The following TENM4 variants were observed in gnomAD, a reference collection of about 807,000 sequenced individuals.
The protein encoded by TENM4 is teneurin transmembrane protein 4.
In TENM4, 82 loss-of-function variants were observed where a neutral mutation model predicts 243.3. That is an observed-to-expected ratio of 0.34 (90% CI 0.28 to 0.40). TENM4 has a LOEUF of 0.40. TENM4 is among the 10% of genes least tolerant of loss of function. The probability of loss-of-function intolerance (pLI) is 1.00; values close to 1 mark genes in which losing one functional copy is unlikely to be tolerated. For synonymous variants in TENM4, 1,412 were observed against 1,456.3 expected, an observed-to-expected ratio of 0.97 and a Z score of 0.69; for missense variants, 3,138 against 3,673.3, an observed-to-expected ratio of 0.85 and a Z score of 3.77.
chr11:78,758,844 G>T (rs1448330294), intron 18 of TENM4, among the ~76,000 whole-genome samples: 3 of 152,158 alleles, frequency 2.0e-5, no homozygotes, highest in Non-Finnish European at 2.9e-5. Flanking sequence ...TCCTGGCACT[G>T]AAACTTACTA....
chr11:78,763,830 T>G (rs1253913174), intron 18 of TENM4, among the ~76,000 whole-genome samples: 2 of 152,148 alleles, frequency 1.3e-5, no homozygotes, highest in Non-Finnish European at 2.9e-5. Context: ...TCTAAAAGAG[T>G]GAACGAGTAA....
chr11:79,341,695 G>C (rs1857244702), intron 1 of TENM4, among the ~76,000 whole-genome samples: 1 of 152,196 alleles, frequency 6.6e-6, no homozygotes, highest in Admixed American at 6.5e-5. Flanking sequence ...TGCTCTCTGA[G>C]AGGTTCAGTG....
At chr11:79,373,955 G>T (rs1161703072) in intron 1 of TENM4, among the ~76,000 whole-genome samples, 1 of 152,100 alleles carries the variant, frequency 6.6e-6, no homozygotes, top group African/African-American at 2.4e-5. Context: ...CAGGACAATT[G>T]GGGTGAGGGC....
At chr11:79,382,850 C>A (rs1459567502) in intron 1 of TENM4, among the ~76,000 whole-genome samples, 1 of 152,150 alleles carries the variant, frequency 6.6e-6, no homozygotes, top group Admixed American at 6.5e-5. Flanking sequence ...CCACTGCCAT[C>A]AACCCTTTAA....
At chr11:79,074,088 C>A (rs546482398) in intron 4 of TENM4, among the ~76,000 whole-genome samples, 1 of 152,222 alleles carries the variant, frequency 6.6e-6, no homozygotes, top group Non-Finnish European at 1.5e-5. Context: ...TAACGCACAG[C>A]TTCCCTGTCA....
At chr11:79,137,947 A>G (rs1862143159) in intron 4 of TENM4, among the ~76,000 whole-genome samples, 1 of 151,990 alleles carries the variant, frequency 6.6e-6, no homozygotes, top group Non-Finnish European at 1.5e-5. Flanking sequence ...CTGAGTGTCA[A>G]CTTGATTGGA....
At chr11:79,177,307 A>T (rs1863181486) in intron 3 of TENM4, among the ~76,000 whole-genome samples, 1 of 152,046 alleles carries the variant, frequency 6.6e-6, no homozygotes, top group South Asian at 2.1e-4. Flanking sequence ...CTCCTCCACC[A>T]GACTGGGTCT....
intron 6 of TENM4, among the ~76,000 whole-genome samples, chr11:78,971,791 T>G (rs920457469): frequency 6.6e-6 from 1 of 151,684 alleles, no homozygotes; most frequent in Non-Finnish European, 1.5e-5. Context: ...AGTAAAACAT[T>G]AAAAAAAATG....
intron 1 of TENM4, among the ~76,000 whole-genome samples, chr11:79,367,617 T>C (rs746119943): frequency 6.6e-6 from 1 of 152,242 alleles, no homozygotes; most frequent in Admixed American, 6.5e-5. Context: ...CTTATAGTTG[T>C]CTTGGCAATA....
At chr11:79,250,543 C>A (rs1855592593) in intron 2 of TENM4, among the ~76,000 whole-genome samples, 1 of 152,178 alleles carries the variant, frequency 6.6e-6, no homozygotes, top group Admixed American at 6.5e-5. Context: ...TTCTATGCAC[C>A]TTTTTAAGAA....
chr11:79,268,961 G>A (rs2135340996), intron 2 of TENM4, among the ~76,000 whole-genome samples: 1 of 152,238 alleles, frequency 6.6e-6, no homozygotes, highest in Admixed American at 6.5e-5. Flanking sequence ...CAATGTCAAG[G>A]AATCAAAAAC....
chr11:79,229,204 T>C (rs1279799515), intron 2 of TENM4, among the ~76,000 whole-genome samples: 1 of 152,244 alleles, frequency 6.6e-6, no homozygotes, highest in Non-Finnish European at 1.5e-5. Context: ...GTACTCCTAC[T>C]GGGCCCCTGG....
At chr11:79,158,154 G>A (rs149770902) in intron 3 of TENM4, among the ~76,000 whole-genome samples, 1 of 152,292 alleles carries the variant, frequency 6.6e-6, no homozygotes, top group African/African-American at 2.4e-5. Flanking sequence ...AGGACTTTCT[G>A]CAGATTTGCT....
intron 2 of TENM4, among the ~76,000 whole-genome samples, chr11:79,236,437 T>C (rs1489286795): frequency 6.6e-6 from 1 of 152,184 alleles, no homozygotes. Flanking sequence ...GGTTATTTGC[T>C]CCTAAATGAA....
Position 78,658,260 on chromosome 11 carries a change from C to A in TENM4, c.8108G>T (p.Trp2703Leu). 6.2e-7 allele frequency: 1 copy of A among 1,613,668 alleles called. No individual in the cohort carries two copies. Among genetic ancestry groups the A allele is most frequent in the Non-Finnish European group, 8.5e-7 (1 of 1,179,680 alleles). ...LARQRAVRQAWAREQQRLREG... is the reference protein window; with the variant it reads ...LARQRAVRQALAREQQRLREG... ...CCGCAGTCTCTGCTGCTCGCGGGCC[C>A]ACGCTTGGCGCACGGCTCTCTGCCG... Residue 2703 changes from tryptophan to leucine, a missense_variant, in exon 34 of 34, where the codon TGG becomes TTG. Physicochemically the swap from Trp to Leu is moderately conservative, Grantham distance 61. This residue lies in a region of TENM4 where 2,467 missense variants were observed against 3,059.1 expected (regional missense o/e 0.81). Transcript: ENST00000278550.
chr11:79,142,156 A>G (rs1862298477), intron 4 of TENM4, among the ~76,000 whole-genome samples: 3 of 152,084 alleles, frequency 2.0e-5, no homozygotes, highest in African/African-American at 7.2e-5. Flanking sequence ...GAAAGAAATA[A>G]AGGGCATCCA....
At chr11:79,279,960 G>C (rs558115241) in intron 2 of TENM4, among the ~76,000 whole-genome samples, 32 of 152,172 alleles carry the variant, frequency 2.1e-4, no homozygotes, top group Non-Finnish European at 4.4e-5. Context: ...GAACTAGCTC[G>C]GCCCCCTTTT....
intron 7 of TENM4, among the ~76,000 whole-genome samples, chr11:78,902,359 A>G (rs1451703738): frequency 6.6e-6 from 1 of 152,216 alleles, no homozygotes; most frequent in Non-Finnish European, 1.5e-5. Context: ...GGCAGAGGGA[A>G]GGAGAACAGC....
At chr11:79,122,320 C>T (rs1291225801) in intron 4 of TENM4, among the ~76,000 whole-genome samples, 1 of 152,136 alleles carries the variant, frequency 6.6e-6, no homozygotes, top group African/African-American at 2.4e-5. Flanking sequence ...GGCACTGTTA[C>T]TAAGAAGAGA....
Sources: allele counts gnomAD v4.1 joint callset (sites outside exome capture counted in the v4.1 genomes callset), GRCh38; gene constraint gnomAD v4.1.1; regional missense constraint gnomAD v4.1.1; transcripts MANE v1.5; gene names NCBI Gene and HGNC (gene_info 2026-07-23, HGNC 2026-07-21).